Variants in ENTPD1 observed in about 807,000 individuals in gnomAD.
ENTPD1 encodes the protein ectonucleoside triphosphate diphosphohydrolase 1.
ENTPD1 carries 33 observed loss-of-function variants against 57.0 expected under a neutral mutation model. The ratio of observed to expected loss-of-function variants is 0.58; its 90% CI spans 0.44 to 0.77. The LOEUF (loss-of-function observed/expected upper bound fraction) is 0.77. ENTPD1 is among the 30% of genes least tolerant of loss of function. The pLI is 0.00. For synonymous variants in ENTPD1, 202 were observed against 218.8 expected (o/e 0.92, Z 0.68); for missense variants, 501 against 603.4 (o/e 0.83, Z 1.78).
intron 1 of ENTPD1, among the ~76,000 whole-genome samples, chr10:95,733,080 A>G (rs969366011): frequency 2.0e-5 from 3 of 152,176 alleles, no homozygotes; most frequent in African/African-American, 7.2e-5. Context: ...GCTACTGGAG[A>G]CCAGGGCTTA....
intron 1 of ENTPD1, among the ~76,000 whole-genome samples, chr10:95,788,584 T>C (rs993273125): frequency 2.6e-5 from 4 of 151,056 alleles, no homozygotes; most frequent in African/African-American, 9.8e-5. Flanking sequence ...ACCACTGCAC[T>C]GCAGCCTGGG....
In ENTPD1 at chr10:95,750,607, C is replaced by A. The variant is rs566456656; in HGVS notation, c.37+38614C>A. ...ATAAATTACCCAGTCTCAGGTATTT[C>A]TTTATTGCAATGCAAAAATGGCCTA... On this transcript the variant is annotated intron_variant, in intron 1 of 9. Transcript: ENST00000453258. Among the ~76,000 whole-genome samples, 18 of 152,248 alleles carry A rather than the reference C, an allele frequency of 1.2e-4. No homozygotes were observed. The Middle Eastern group carries it at 0.017, about 144-fold the overall frequency.
At chr10:95,829,306 G>A (rs908860980) in intron 2 of ENTPD1, among the ~76,000 whole-genome samples, 2 of 152,230 alleles carry the variant, frequency 1.3e-5, no homozygotes, top group African/African-American at 4.8e-5. Flanking sequence ...GCTGTGGAGA[G>A]TGAACTTTAG....
intron 1 of ENTPD1, among the ~76,000 whole-genome samples, chr10:95,779,910 A>G (rs1192705234): frequency 6.6e-6 from 1 of 152,150 alleles, no homozygotes; most frequent in Admixed American, 6.6e-5. Flanking sequence ...TAACAGCATT[A>G]TGAGGTGAGA....
chr10:95,869,498 C>T lies in ENTPD1; in HGVS notation c.*3115C>T. On this transcript the variant is annotated 3_prime_UTR_variant, in exon 10 of 10. Transcript: ENST00000371205. Reference sequence around the variant, plus strand: ...CTCCCAATCTCAGGTGATCCTATTGCCTCGGGCTCCCAAAGTGCTGGGATT... The same window carrying T: ...CTCCCAATCTCAGGTGATCCTATTGTCTCGGGCTCCCAAAGTGCTGGGATT... 3.1e-6 allele frequency: 3 copies of T among 955,432 alleles called. No individual in the cohort carries two copies. Among genetic ancestry groups the T allele is most frequent in the Non-Finnish European group, 3.7e-6 (3 of 802,932 alleles). The allele number at this position is 955,432 out of a possible 1,614,324, so 59.2% of individuals were successfully genotyped here.
chr10:95,711,527 G>A (rs2097965565), upstream of ENTPD1, among the ~76,000 whole-genome samples: 1 of 152,036 alleles, frequency 6.6e-6, no homozygotes, highest in African/African-American at 2.4e-5. Flanking sequence ...TTAGGGACAG[G>A]GTCTCACACT....
At chr10:95,732,695 A>C (rs1364161720) in intron 1 of ENTPD1, among the ~76,000 whole-genome samples, 1 of 152,184 alleles carries the variant, frequency 6.6e-6, no homozygotes, top group Non-Finnish European at 1.5e-5. Context: ...GGAGAAATAA[A>C]GGGAAAGAGT....
intron 4 of ENTPD1, chr10:95,843,449 A>T (rs552269617): frequency 1.3e-5 from 2 of 152,354 alleles, no homozygotes; most frequent in East Asian, 3.9e-4. Flanking sequence ...TACGCTAAGC[A>T]CTTAATTGCA....
intron 2 of ENTPD1, among the ~76,000 whole-genome samples, chr10:95,837,345 A>T (rs950502161): frequency 6.6e-6 from 1 of 152,222 alleles, no homozygotes; most frequent in Non-Finnish European, 1.5e-5. Flanking sequence ...ATTTTCTGCC[A>T]TGTGTAATTC....
chr10:95,725,160 A>G (rs575866996), intron 1 of ENTPD1, among the ~76,000 whole-genome samples: 7 of 151,996 alleles, frequency 4.6e-5, no homozygotes, highest in Non-Finnish European at 1.0e-4. Context: ...TGAATTTTTC[A>G]TATCACTTAT....
chr10:95,871,655 T>C lies in ENTPD1; in HGVS notation c.*5272T>C. On this transcript the variant is annotated 3_prime_UTR_variant, in exon 10 of 10. Transcript: ENST00000371205. ...TCTTCATTTGAAGTGAAGATTGCTA[T>C]GTCTTTTGCATTGCTCTATTTTACA... 1.0e-6 allele frequency: 1 copy of C among 985,392 alleles called. No individual in the cohort carries two copies. The highest frequency in any genetic ancestry group is 1.2e-6 in the Non-Finnish European group (1 of 829,882). The allele number at this position is 985,392 out of a possible 1,614,324, so 61.0% of individuals were successfully genotyped here. A position where few individuals can be genotyped will look rare whatever the true frequency, so the allele number is the denominator to read the frequency against.
chr10:95,695,764 T>C, the ENTPD1 span, among the ~76,000 whole-genome samples: 2 of 152,218 alleles, frequency 1.3e-5, no homozygotes, highest in Non-Finnish European at 2.9e-5. Context: ...GTTTTGTTCA[T>C]TGAAATATCC....
intron 1 of ENTPD1, among the ~76,000 whole-genome samples, chr10:95,722,685 T>C (rs549252146): frequency 6.6e-6 from 1 of 152,024 alleles, no homozygotes; most frequent in South Asian, 2.1e-4. Flanking sequence ...CTGGGAGATA[T>C]ACCATTGTGG....
Position 95,798,341 on chromosome 10 carries a change from A to T in ENTPD1, c.17-24896A>T, listed in dbSNP as rs903784466. Among the ~76,000 whole-genome samples, 135 of 152,098 alleles carry T rather than the reference A, an allele frequency of 8.9e-4. 2 individuals are homozygous for T. The highest frequency in any genetic ancestry group is 2.4e-4 in the Non-Finnish European group (16 of 68,012). ...GGCACTTATTGCCAGGAGAATTTTA[A>T]AAAAAAGCAAGTTAGAGAAAGTCAA... On this transcript the variant is annotated intron_variant, in intron 1 of 9. Coordinates refer to ENST00000371205, the MANE Select transcript of ENTPD1 (RefSeq NM_001776.6).
At position 95,823,330 on chromosome 10, in the gene ENTPD1, T is replaced by C. The variant is rs2098360724; in HGVS notation, c.110T>C (p.Leu37Ser). 6.2e-7 allele frequency: 1 copy of C among 1,614,102 alleles called. No homozygotes were observed. The highest frequency in any genetic ancestry group is 1.1e-5 in the South Asian group (1 of 91,094). ...IAVIALLAVG[L>S]TQNKALPENV... ...GTGATAGCTTTGCTTGCTGTGGGGT[T>C]GACCCAGAACAAAGCATTGCCAGAA... is the stretch of plus-strand genomic sequence containing the variant. Residue 37 changes from leucine (L) to serine (S), a missense_variant, in exon 2 of 10, where the codon TTG (leucine) becomes TCG (serine). Physicochemically the swap from Leu to Ser is moderately radical, Grantham distance 145. Coordinates refer to ENST00000371205, the MANE Select transcript of ENTPD1 (RefSeq NM_001776.6).
In ENTPD1 at chr10:95,791,531, A is replaced by G. The variant is rs936826170; in HGVS notation, c.17-31706A>G. Among the ~76,000 whole-genome samples, 25 of 152,222 alleles carry G rather than the reference A, an allele frequency of 1.6e-4. No individual in the cohort carries two copies. The highest frequency in any genetic ancestry group is 2.8e-4 in the Non-Finnish European group (19 of 68,036). On this transcript the variant is annotated intron_variant, in intron 1 of 9. Transcript: ENST00000371205. The surrounding 1 kb of genome is among the most constrained non-coding windows in gnomAD (Gnocchi z 4.1). ...TGGAAGTTAGAATGAAACAGAACTT[A>G]GGTCAAGATAGATTGCTAACAGTTA...
In ENTPD1 at chr10:95,873,432, G is replaced by A. The variant is rs1041856686; in HGVS notation, c.*7049G>A. The stretch of plus-strand genomic sequence containing the variant: ...GACCAGCACCTCATACTCAGTGAAG[G>A]CCTGGAGTGCTTAAGAGGGATTTCT... On this transcript the variant is annotated 3_prime_UTR_variant, in exon 10 of 10. Coordinates refer to ENST00000371205, the MANE Select transcript of ENTPD1 (RefSeq NM_001776.6). 1 of 985,548 alleles carries A rather than the reference G, an allele frequency of 1.0e-6. No individual in the cohort carries two copies. The highest frequency in any genetic ancestry group is 1.2e-6 in the Non-Finnish European group (1 of 830,046). 61.1% of individuals were successfully genotyped at this position (985,548 alleles called of 1,614,324 possible). A position where few individuals can be genotyped will look rare whatever the true frequency, so the allele number is the denominator to read the frequency against.
intron 4 of ENTPD1, 117 bp from the exon 5 acceptor site, chr10:95,844,359 A>C (rs1376940497): frequency 1.4e-6 from 2 of 1,403,814 alleles, no homozygotes; most frequent in Non-Finnish European, 2.0e-6. Flanking sequence ...CTCTTCATTT[A>C]TTCCAGGGCA....
chr10:95,776,704 C>T (rs952802947), intron 1 of ENTPD1, among the ~76,000 whole-genome samples: 5 of 152,200 alleles, frequency 3.3e-5, no homozygotes, highest in African/African-American at 7.2e-5. Flanking sequence ...AGGAAGTTCT[C>T]GTGGATAACA....
Sources: gnomAD v4.1 joint callset for allele counts (sites outside exome capture counted in the v4.1 genomes callset) on GRCh38, gnomAD v4.1.1 for gene constraint, Gnocchi (gnomAD v3.1) non-coding constraint, MANE v1.5 for transcripts, NCBI Gene and HGNC (gene_info 2026-07-23, HGNC 2026-07-21) for gene names.